The following STN1 variants were observed in gnomAD, a reference collection of about 807,000 sequenced individuals.
STN1 encodes the protein CST complex subunit STN1.
Under a neutral mutation model 45.5 loss-of-function variants are expected in STN1, and 29 were observed. The ratio of observed to expected loss-of-function variants is 0.64; its 90% CI spans 0.47 to 0.87. The LOEUF is 0.87. Among genes scored for constraint, STN1 ranks in the 40% least tolerant of loss-of-function variants. The probability of loss-of-function intolerance (pLI) is 0.00; values close to 1 mark genes in which losing one functional copy is unlikely to be tolerated. For missense variants in STN1, 376 were observed against 441.4 expected, an observed-to-expected ratio of 0.85 and a Z score of 1.33; for synonymous variants, 148 against 159.0, an observed-to-expected ratio of 0.93 and a Z score of 0.52.
At chr10:103,902,455 G>C (rs967706398) in intron 4 of STN1, among the ~76,000 whole-genome samples, 1 of 152,138 alleles carries the variant, frequency 6.6e-6, no homozygotes, top group Non-Finnish European at 1.5e-5. Context: ...TCACTTAAAG[G>C]GTGAGCCAAG....
chr10:103,914,401 G>T (rs1324397721), intron 2 of STN1, among the ~76,000 whole-genome samples: 3 of 107,972 alleles, frequency 2.8e-5, no homozygotes, highest in Non-Finnish European at 3.4e-5. Flanking sequence ...TTGAGACAGG[G>T]TCTTGCTCTG....
intron 4 of STN1, among the ~76,000 whole-genome samples, chr10:103,903,570 C>T (rs151217735): frequency 4.6e-5 from 7 of 152,256 alleles, no homozygotes; most frequent in African/African-American, 1.4e-4. Context: ...CTCATTCTCA[C>T]GCTCTTCTGC....
chr10:103,914,347 TATATATATATATATATATATATATA>T (rs1843310888), intron 2 of STN1, among the ~76,000 whole-genome samples: 1 of 13,476 alleles, frequency 7.4e-5, no homozygotes, highest in Non-Finnish European at 2.2e-4. Flanking sequence ...TATATATATA[TATATATATATATATATATATATATA>T]TATTTTTTTT....
chr10:103,896,780 C>T (rs1438894774), intron 7 of STN1, among the ~76,000 whole-genome samples: 1 of 151,974 alleles, frequency 6.6e-6, no homozygotes, highest in Non-Finnish European at 1.5e-5. Context: ...AAGTGATCTG[C>T]CCACCTTGAC....
rs1275727338 is a variant in STN1 at position 103,878,595 on chromosome 10, G to A, written c.*4089C>T. ...CGCCCAAGAAGAATGAGAATGTACT[G>A]ACAGTGGAAGAGTGAGCACTTGCTA... On this transcript the variant is annotated 3_prime_UTR_variant, in exon 10 of 10. Coordinates refer to ENST00000224950, the MANE Select transcript of STN1 (RefSeq NM_024928.5). 1 of 152,218 alleles carries A rather than the reference G, an allele frequency of 6.6e-6. No individual in the cohort carries two copies. The highest frequency in any genetic ancestry group is 6.5e-5 in the Admixed American group (1 of 15,280). The allele number at this position is 152,218 out of a possible 1,614,324, so 9.4% of individuals were successfully genotyped here.
chr10:103,908,128 CA>C lies in STN1; in HGVS notation c.229+2398del, dbSNP rs34156487. ...TGGGCCACAGAGCGAGACTCCATCTCAAAAAAAAAAAAAAAATTAGCACATG... is the reference window on the plus strand; with the variant it reads ...TGGGCCACAGAGCGAGACTCCATCTCAAAAAAAAAAAAAAATTAGCACATG... On this transcript the variant is annotated intron_variant, in intron 3 of 9. Coordinates refer to ENST00000224950, the MANE Select transcript of STN1 (RefSeq NM_024928.5). 3.4e-3 allele frequency among the ~76,000 whole-genome samples: 477 copies of C among 138,600 alleles called. 1 individual carries two copies. The highest frequency in any genetic ancestry group is 4.0e-3 in the African/African-American group (144 of 36,300). 90.9% of individuals were successfully genotyped at this position (138,600 alleles called of 152,430 possible). A position where few individuals can be genotyped will look rare whatever the true frequency, so the allele number is the denominator to read the frequency against.
chr10:103,906,503 A>AT (rs1382352227), intron 3 of STN1, among the ~76,000 whole-genome samples: 2 of 151,970 alleles, frequency 1.3e-5, no homozygotes, highest in East Asian at 3.9e-4. Flanking sequence ...CCAAAAAAAA[A>AT]TTTTTAAATT....
At chr10:103,888,486 A>G (rs1371904641) in intron 9 of STN1, among the ~76,000 whole-genome samples, 1 of 152,200 alleles carries the variant, frequency 6.6e-6, no homozygotes, top group East Asian at 1.9e-4. Context: ...GTGTCTAACC[A>G]CTAGGGGCTG....
At position 103,900,371 on chromosome 10, in the gene STN1, A is replaced by G. The variant is rs939356064; in HGVS notation, c.296-148T>C. On this transcript the variant is annotated intron_variant, in intron 4 of 9. Coordinates refer to ENST00000224950, the MANE Select transcript of STN1 (RefSeq NM_024928.5). ...TTGTTCTACTGTTGGAAATCCACAT[A>G]ACCTTTTGGAGTACTCCACTGAGAA... 6.6e-6 allele frequency: 5 copies of G among 760,568 alleles called. No homozygotes were observed. The African/African-American group carries it at 7.1e-5, about 11-fold the overall frequency. 47.1% of individuals were successfully genotyped at this position (760,568 alleles called of 1,614,324 possible).
In STN1 at chr10:103,878,421, T is replaced by G; in HGVS notation, c.*4263A>C. 6.6e-6 allele frequency: 1 copy of G among 152,326 alleles called. No homozygotes were observed. 9.4% of individuals were successfully genotyped at this position (152,326 alleles called of 1,614,324 possible). A position where few individuals can be genotyped will look rare whatever the true frequency, so the allele number is the denominator to read the frequency against. ...CTTAGAAGACAGAGGCCTACCTCAT[T>G]CTTGGTTTACTCATGCTTCAGGTTA... On this transcript the variant is annotated 3_prime_UTR_variant, in exon 10 of 10. Coordinates refer to ENST00000224950, the MANE Select transcript of STN1 (RefSeq NM_024928.5).
At chr10:103,884,298 C>T (rs372350117) in intron 9 of STN1, among the ~76,000 whole-genome samples, 7 of 151,832 alleles carry the variant, frequency 4.6e-5, no homozygotes, top group East Asian at 1.9e-4. Flanking sequence ...TAGGGGATAA[C>T]GAAACCAATT....
intron 9 of STN1, among the ~76,000 whole-genome samples, chr10:103,883,639 A>G (rs1843085442): frequency 6.6e-6 from 1 of 152,148 alleles, no homozygotes; most frequent in African/African-American, 2.4e-5. Context: ...GTAGTTATAA[A>G]TTAGCCTAAT....
chr10:103,900,117 G>A lies in STN1; in HGVS notation c.402C>T (p.Val134=). Residue 134 remains valine, a synonymous_variant, in exon 5 of 10, where the codon GTC becomes GTT. Coordinates refer to ENST00000224950, the MANE Select transcript of STN1 (RefSeq NM_024928.5). The part of the protein sequence containing the change: ...TKIEIGDTIR[V]RGSIRTYREE... Reference sequence around the variant, plus strand: ...CTCTGTATGTGCGGATACTGCCTCTGACTCGGATCGTGTCCCCGATCTCTA... The same window carrying A: ...CTCTGTATGTGCGGATACTGCCTCTAACTCGGATCGTGTCCCCGATCTCTA... The A allele has an allele frequency of 6.2e-7, 1 of 1,614,200 alleles. No individual in the cohort carries two copies. The highest frequency in any genetic ancestry group is 8.5e-7 in the Non-Finnish European group (1 of 1,180,040).
At chr10:103,911,830 C>T (rs576646727) in intron 2 of STN1, among the ~76,000 whole-genome samples, 1 of 152,310 alleles carries the variant, frequency 6.6e-6, no homozygotes, top group South Asian at 2.1e-4. Context: ...TTATAACCCC[C>T]AGACTGGCCT....
At chr10:103,907,048 G>A (rs1006726393) in intron 3 of STN1, among the ~76,000 whole-genome samples, 2 of 152,128 alleles carry the variant, frequency 1.3e-5, no homozygotes, top group Non-Finnish European at 2.9e-5. Flanking sequence ...AGAGTTTGGG[G>A]CTGCAGTGTG....
chr10:103,905,056 G>C (rs1211580679), intron 4 of STN1, 35 bp downstream of exon 4: 1 of 1,569,720 alleles, frequency 6.4e-7, no homozygotes, highest in Non-Finnish European at 8.8e-7. Context: ...CCATTAGTTA[G>C]GTGAAAAGTA....
In STN1 at chr10:103,892,174, CT is replaced by C; in HGVS notation, c.831del (p.Gly278AspfsTer16). 6.2e-7 allele frequency: 1 copy of C among 1,612,194 alleles called. No homozygotes were observed. Among genetic ancestry groups the C allele is most frequent in the Admixed American group, 1.7e-5 (1 of 59,614 alleles). ...CCATCATCTTTCTGGAAAACAAGTCCTTTTTCCTGCAGCAGTTGTATAGCAT... is the reference window on the plus strand; with the variant it reads ...CCATCATCTTTCTGGAAAACAAGTCCTTTTCCTGCAGCAGTTGTATAGCAT... The part of the protein sequence containing the change: ...FKNAIQLLQE[K>X]GLVFQKDDGF... On this transcript the variant is annotated frameshift_variant, in exon 8 of 10. Coordinates refer to ENST00000224950, the MANE Select transcript of STN1 (RefSeq NM_024928.5). LOFTEE classifies it high-confidence loss of function.
chr10:103,899,054 C>T, intron 5 of STN1, 54 bp from the exon 6 acceptor site: 3 of 1,595,166 alleles, frequency 1.9e-6, no homozygotes, highest in Non-Finnish European at 2.6e-6. Flanking sequence ...ACATTGAGAT[C>T]AATTCTTTCC....
chr10:103,888,983 G>A lies in STN1; in HGVS notation c.949+89C>T, dbSNP rs1346577256. 8 of 892,864 alleles carry A rather than the reference G, an allele frequency of 9.0e-6. No individual in the cohort carries two copies. In the South Asian group the frequency reaches 1.0e-4, roughly 11 times the overall value. The allele number at this position is 892,864 out of a possible 1,614,324, so 55.3% of individuals were successfully genotyped here. A position where few individuals can be genotyped will look rare whatever the true frequency, so the allele number is the denominator to read the frequency against. On this transcript the variant is annotated intron_variant, in intron 9 of 9. Transcript: ENST00000224950. Reference sequence around the variant, plus strand: ...CCAAGTCACTACTGGGAAAAGTCCCGGGTCTCCTGACTCTCCATCCAGTGC... The same window carrying A: ...CCAAGTCACTACTGGGAAAAGTCCCAGGTCTCCTGACTCTCCATCCAGTGC...
Sources: gnomAD v4.1 joint callset for allele counts (sites outside exome capture counted in the v4.1 genomes callset) on GRCh38, gnomAD v4.1.1 for gene constraint, MANE v1.5 for transcripts, NCBI Gene and HGNC (gene_info 2026-07-23, HGNC 2026-07-21) for gene names.